The following SLC14A2 variants were observed in gnomAD, a reference collection of about 807,000 sequenced individuals.
SLC14A2 encodes urea transporter 2.
Under a neutral mutation model 104.6 loss-of-function variants are expected in SLC14A2, and 91 were observed. The ratio of observed to expected loss-of-function variants is 0.87; its 90% confidence interval spans 0.73 to 1.04. The LOEUF (loss-of-function observed/expected upper bound fraction) is 1.04. Ranked by LOEUF, SLC14A2 falls within the 50% of genes least tolerant of loss-of-function variation. The pLI is 0.00. For synonymous variants in SLC14A2, 476 were observed against 466.4 expected, an observed-to-expected ratio of 1.02 and a Z score of -0.27; for missense variants, 1,189 against 1,156.0, an observed-to-expected ratio of 1.03 and a Z score of -0.41.
At chr18:45,616,623 T>A (rs1326320523) in intron 1 of SLC14A2, among the ~76,000 whole-genome samples, 1 of 152,160 alleles carries the variant, frequency 6.6e-6, no homozygotes, top group Non-Finnish European at 1.5e-5. Flanking sequence ...TGACCTGCGT[T>A]GGGGAGGGCC....
chr18:45,460,432 TG>T (rs2087023618), intron 1 of SLC14A2, among the ~76,000 whole-genome samples: 1 of 152,148 alleles, frequency 6.6e-6, no homozygotes, highest in Non-Finnish European at 1.5e-5. Context: ...GCCCAGAATT[TG>T]AGATTCAAGG....
At chr18:45,432,098 T>A (rs1388808583) in intron 1 of SLC14A2, among the ~76,000 whole-genome samples, 1 of 152,208 alleles carries the variant, frequency 6.6e-6, no homozygotes, top group Non-Finnish European at 1.5e-5. Context: ...GTTTGAATAT[T>A]TGTTCTTAGT....
chr18:45,236,641 A>ACTTTTT (rs576295837), intron 1 of SLC14A2, among the ~76,000 whole-genome samples: 8 of 150,482 alleles, frequency 5.3e-5, no homozygotes, highest in African/African-American at 2.0e-4. Flanking sequence ...GTATACACAC[A>ACTTTTT]CTTTTTCTTT....
At chr18:45,537,554 G>A (rs965666983) in intron 2 of SLC14A2, among the ~76,000 whole-genome samples, 15 of 152,322 alleles carry the variant, frequency 9.8e-5, no homozygotes, top group African/African-American at 3.4e-4. Context: ...GAGGTAGGAG[G>A]TGAGGTCAGA....
chr18:45,250,719 G>A (rs1459655033), intron 1 of SLC14A2, among the ~76,000 whole-genome samples: 2 of 136,766 alleles, frequency 1.5e-5, no homozygotes, highest in East Asian at 4.2e-4. Flanking sequence ...TCCTGTACTT[G>A]TCTTACAACT....
chr18:45,503,142 G>T (rs569700603), intron 2 of SLC14A2, among the ~76,000 whole-genome samples: 1 of 152,256 alleles, frequency 6.6e-6, no homozygotes, highest in Admixed American at 6.5e-5. Context: ...ATTGTGGCAA[G>T]CATGCTTCTT....
At chr18:45,363,307 G>A (rs1387742317) in intron 1 of SLC14A2, among the ~76,000 whole-genome samples, 1 of 152,008 alleles carries the variant, frequency 6.6e-6, no homozygotes, top group Non-Finnish European at 1.5e-5. Context: ...TTCAATATGG[G>A]CACAAAACCA....
At chr18:45,387,260 C>T (rs187749692) in intron 1 of SLC14A2, among the ~76,000 whole-genome samples, 25 of 152,294 alleles carry the variant, frequency 1.6e-4, no homozygotes, top group South Asian at 2.1e-4. Context: ...TCTGCTACAG[C>T]GTCAAGCAAC....
chr18:45,590,761 GAAAATT>G (rs2044636059), intron 2 of SLC14A2, among the ~76,000 whole-genome samples: 1 of 152,212 alleles, frequency 6.6e-6, no homozygotes, highest in South Asian at 2.1e-4. Context: ...TTCATGCCTA[GAAAATT>G]ATCAGAGTAA....
intron 1 of SLC14A2, among the ~76,000 whole-genome samples, chr18:45,339,915 A>G (rs1399733290): frequency 1.3e-5 from 2 of 152,262 alleles, no homozygotes; most frequent in Non-Finnish European, 2.9e-5. Context: ...AACAAGGCAT[A>G]TGGTCAGCTT....
intron 2 of SLC14A2, among the ~76,000 whole-genome samples, chr18:45,605,373 A>ACCAGTTTT (rs1251010623): frequency 1.1e-4 from 16 of 152,300 alleles, no homozygotes; most frequent in Non-Finnish European, 1.9e-4. Flanking sequence ...TCACCTTAAA[A>ACCAGTTTT]TATAACCCCC....
intron 2 of SLC14A2, among the ~76,000 whole-genome samples, chr18:45,516,406 T>C (rs1304003588): frequency 6.6e-6 from 1 of 152,194 alleles, no homozygotes; most frequent in Non-Finnish European, 1.5e-5. Context: ...AGTCACTCTA[T>C]TTCTCTGGCC....
chr18:45,493,424 A>G (rs141881228), intron 2 of SLC14A2, among the ~76,000 whole-genome samples: 23 of 152,360 alleles, frequency 1.5e-4, no homozygotes, highest in African/African-American at 5.5e-4. Flanking sequence ...CTGCCCAAAG[A>G]TAGAATTCAA....
intron 2 of SLC14A2, among the ~76,000 whole-genome samples, chr18:45,534,547 G>GAAT (rs1031898655): frequency 1.2e-4 from 18 of 151,960 alleles, no homozygotes; most frequent in Admixed American, 5.2e-4. Flanking sequence ...ATCCTCTAAT[G>GAAT]AATAATAATA....
At chr18:45,251,206 G>A (rs2084419761) in intron 1 of SLC14A2, among the ~76,000 whole-genome samples, 1 of 152,118 alleles carries the variant, frequency 6.6e-6, no homozygotes, top group South Asian at 2.1e-4. Context: ...AGTCCCCAAA[G>A]TCCATTGTAT....
chr18:45,373,480 A>G (rs745797994), intron 1 of SLC14A2, among the ~76,000 whole-genome samples: 3 of 151,912 alleles, frequency 2.0e-5, no homozygotes, highest in Admixed American at 1.3e-4. Flanking sequence ...GCCCTCCCTC[A>G]TTTCCTCTTT....
chr18:45,314,350 A>T (rs1004011224), intron 1 of SLC14A2, among the ~76,000 whole-genome samples: 7 of 152,198 alleles, frequency 4.6e-5, no homozygotes, highest in Non-Finnish European at 1.0e-4. Flanking sequence ...AAAATACAAA[A>T]TACTGAAGAT....
chr18:45,300,032 C>T (rs2084953232), intron 1 of SLC14A2, among the ~76,000 whole-genome samples: 1 of 152,118 alleles, frequency 6.6e-6, no homozygotes, highest in South Asian at 2.1e-4. Context: ...GAAGGAGCCT[C>T]TCAGACATCT....
intron 1 of SLC14A2, among the ~76,000 whole-genome samples, chr18:45,327,945 T>C (rs1400950735): frequency 6.6e-6 from 1 of 152,064 alleles, no homozygotes; most frequent in African/African-American, 2.4e-5. Context: ...GAACTAAAAA[T>C]GAGAAGGACA....
Sources: allele counts gnomAD v4.1 joint callset (sites outside exome capture counted in the v4.1 genomes callset), GRCh38; gene constraint gnomAD v4.1.1; transcripts MANE v1.5; gene names NCBI Gene and HGNC (gene_info 2026-07-23, HGNC 2026-07-21).